The following PRDM5 variants were observed in gnomAD, a reference collection of about 807,000 sequenced individuals.
PRDM5 encodes PR domain zinc finger protein 5.
In PRDM5, 56 loss-of-function variants were observed where a neutral mutation model predicts 81.2. The observed-to-expected ratio is 0.69, with a 90% CI of 0.56 to 0.86. The LOEUF (loss-of-function observed/expected upper bound fraction) is 0.86. Ranked by LOEUF, PRDM5 falls within the 40% of genes least tolerant of loss-of-function variation. The pLI is 0.00. For synonymous variants in PRDM5, 267 were observed against 256.4 expected (o/e 1.04, Z -0.39); for missense variants, 697 against 770.1 (o/e 0.91, Z 1.12).
At chr4:120,790,082 C>T (rs1371542932) in intron 10 of PRDM5, among the ~76,000 whole-genome samples, 2 of 152,128 alleles carry the variant, frequency 1.3e-5, no homozygotes, top group Non-Finnish European at 2.9e-5. Context: ...GTCAGGAAAC[C>T]TTCCACTCAA....
At chr4:120,893,689 G>A (rs1052690135) in intron 2 of PRDM5, among the ~76,000 whole-genome samples, 1 of 152,192 alleles carries the variant, frequency 6.6e-6, no homozygotes, top group Non-Finnish European at 1.5e-5. Context: ...TTGTGCTTAA[G>A]TCTACCATTA....
chr4:120,698,327 T>C (rs1734822625), intron 15 of PRDM5, among the ~76,000 whole-genome samples: 1 of 152,176 alleles, frequency 6.6e-6, no homozygotes, highest in South Asian at 2.1e-4. Context: ...CTTTCCCCTG[T>C]CATTCCTTTA....
chr4:120,741,949 C>G (rs1006586946), intron 14 of PRDM5, among the ~76,000 whole-genome samples: 10 of 152,232 alleles, frequency 6.6e-5, no homozygotes, highest in African/African-American at 1.7e-4. Flanking sequence ...GCCTGCCTGC[C>G]TCTGTAGGCT....
chr4:120,894,408 C>A (rs1183781592), intron 2 of PRDM5, among the ~76,000 whole-genome samples: 1 of 152,192 alleles, frequency 6.6e-6, no homozygotes, highest in Non-Finnish European at 1.5e-5. Flanking sequence ...TTCTGCATTT[C>A]CATGTTTCCA....
intron 1 of PRDM5, among the ~76,000 whole-genome samples, chr4:120,909,257 C>T (rs772701632): frequency 6.6e-6 from 1 of 152,194 alleles, no homozygotes; most frequent in Non-Finnish European, 1.5e-5. Flanking sequence ...TGACAGACAG[C>T]TGCATGGTCC....
chr4:120,747,041 C>G (rs933292401), intron 14 of PRDM5, among the ~76,000 whole-genome samples: 1 of 145,158 alleles, frequency 6.9e-6, no homozygotes, highest in Non-Finnish European at 1.5e-5. Context: ...ACCCAAATGT[C>G]CAACAATGAT....
chr4:120,880,291 T>A (rs979485881), intron 2 of PRDM5, among the ~76,000 whole-genome samples: 2 of 152,282 alleles, frequency 1.3e-5, no homozygotes, highest in African/African-American at 4.8e-5. Flanking sequence ...AAAGTTCACT[T>A]TCTCCATAAA....
At chr4:120,818,551 T>C in intron 4 of PRDM5, 24 bp from the exon 5 acceptor site, 1 of 1,598,300 alleles carries the variant, frequency 6.3e-7, no homozygotes, top group Non-Finnish European at 8.6e-7. Context: ...AGGAAACATA[T>C]TCATGAGACA....
intron 8 of PRDM5, among the ~76,000 whole-genome samples, chr4:120,804,952 A>G (rs1443366573): frequency 1.3e-5 from 2 of 152,202 alleles, no homozygotes; most frequent in Non-Finnish European, 2.9e-5. Context: ...ATAGACCGCT[A>G]GCAAGACTAA....
intron 15 of PRDM5, among the ~76,000 whole-genome samples, chr4:120,696,234 G>A (rs1450856277): frequency 6.6e-6 from 1 of 152,074 alleles, no homozygotes; most frequent in Non-Finnish European, 1.5e-5. Context: ...ATAAGCTTTA[G>A]AGTCTGATCA....
chr4:120,781,620 T>G (rs1039677693), intron 11 of PRDM5, among the ~76,000 whole-genome samples: 1 of 152,152 alleles, frequency 6.6e-6, no homozygotes, highest in Non-Finnish European at 1.5e-5. Context: ...TTGAGGTAAA[T>G]AGACTCCAGT....
At position 120,695,040 on chromosome 4, in the gene PRDM5, G is replaced by A. The variant is rs150300961; in HGVS notation, c.*71C>T. The A allele has an allele frequency of 5.1e-3, 7,807 of 1,526,730 alleles. 34 individuals carry two copies. Among genetic ancestry groups the A allele is most frequent in the Non-Finnish European group, 6.4e-3 (7,067 of 1,103,112 alleles). 94.6% of individuals were successfully genotyped at this position (1,526,730 alleles called of 1,614,324 possible). A position where few individuals can be genotyped will look rare whatever the true frequency, so the allele number is the denominator to read the frequency against. On this transcript the variant is annotated 3_prime_UTR_variant, in exon 16 of 16. Transcript: ENST00000264808. Reference sequence around the variant, plus strand: ...CACTTTTGGCTACTTCTGTTATGCTGATCAGGTGATAAAAATCTGGGATTC... The same window carrying A: ...CACTTTTGGCTACTTCTGTTATGCTAATCAGGTGATAAAAATCTGGGATTC...
chr4:120,903,159 T>A (rs1163428650), intron 2 of PRDM5, among the ~76,000 whole-genome samples: 1 of 152,234 alleles, frequency 6.6e-6, no homozygotes, highest in Admixed American at 6.5e-5. Context: ...ATGTAACTAT[T>A]TTTTTGAGAA....
chr4:120,869,668 T>C (rs1761573390), intron 2 of PRDM5, among the ~76,000 whole-genome samples: 1 of 152,182 alleles, frequency 6.6e-6, no homozygotes, highest in South Asian at 2.1e-4. Flanking sequence ...CCTGTGTTGC[T>C]ATAATATTAA....
chr4:120,714,364 C>T (rs903569429), intron 14 of PRDM5, among the ~76,000 whole-genome samples: 1 of 151,916 alleles, frequency 6.6e-6, no homozygotes, highest in African/African-American at 2.4e-5. Flanking sequence ...TTCTGTTGTA[C>T]TCTAATTTCT....
intron 14 of PRDM5, among the ~76,000 whole-genome samples, chr4:120,720,059 T>C (rs1031057929): frequency 3.3e-5 from 5 of 152,080 alleles, no homozygotes; most frequent in African/African-American, 7.2e-5. Flanking sequence ...TGGTGAGCAG[T>C]AGATTCCCAA....
At chr4:120,710,226 C>T (rs1468403596) in intron 15 of PRDM5, 83 bp downstream of exon 15, 7 of 1,146,672 alleles carry the variant, frequency 6.1e-6, no homozygotes, top group Middle Eastern at 2.5e-4. Context: ...CACAGACACA[C>T]ACACACACAC....
intron 2 of PRDM5, among the ~76,000 whole-genome samples, chr4:120,901,162 G>A (rs1186546703): frequency 6.6e-6 from 1 of 152,104 alleles, no homozygotes; most frequent in South Asian, 2.1e-4. Flanking sequence ...GGTGACTTCT[G>A]AGATGTTAGT....
At chr4:120,854,291 TC>T (rs1435805124) in intron 2 of PRDM5, among the ~76,000 whole-genome samples, 2 of 152,146 alleles carry the variant, frequency 1.3e-5, no homozygotes, top group African/African-American at 4.8e-5. Flanking sequence ...CCCTGCATTA[TC>T]AGTTGCTAGG....
Sources: allele counts gnomAD v4.1 joint callset (sites outside exome capture counted in the v4.1 genomes callset), GRCh38; gene constraint gnomAD v4.1.1; transcripts MANE v1.5; gene names NCBI Gene and HGNC (gene_info 2026-07-23, HGNC 2026-07-21).